RORA: variants seen among roughly 807,000 people sequenced by gnomAD.
RORA encodes the protein RAR related orphan receptor A.
RORA carries 7 observed loss-of-function variants against 69.5 expected under a neutral mutation model. The observed-to-expected ratio is 0.10, with a 90% confidence interval of 0.06 to 0.19. The LOEUF (loss-of-function observed/expected upper bound fraction) is 0.19, where lower values mean the gene tolerates loss of function less well. RORA is among the 10% of genes least tolerant of loss of function. The pLI is 1.00. For missense variants in RORA, 457 were observed against 663.0 expected, an observed-to-expected ratio of 0.69 and a Z score of 3.41; for synonymous variants, 261 against 240.8, an observed-to-expected ratio of 1.08 and a Z score of -0.78.
At chr15:60,820,770 C>T (rs966546964) in intron 1 of RORA, among the ~76,000 whole-genome samples, 8 of 152,286 alleles carry the variant, frequency 5.3e-5, no homozygotes, top group African/African-American at 1.7e-4. Flanking sequence ...TCGGCTTAGT[C>T]TTGGTTTTTC....
chr15:60,646,384 G>C (rs1193092905), intron 2 of RORA, among the ~76,000 whole-genome samples: 1 of 152,098 alleles, frequency 6.6e-6, no homozygotes, highest in African/African-American at 2.4e-5. Flanking sequence ...TATTTCTCCA[G>C]ATATCTCTCT....
intron 1 of RORA, among the ~76,000 whole-genome samples, chr15:61,194,489 G>C (rs891428622): frequency 2.0e-5 from 3 of 151,832 alleles, no homozygotes; most frequent in African/African-American, 7.3e-5. Context: ...CTTGAACCCG[G>C]GAGGTCGAGG....
At chr15:60,766,258 T>C (rs2071989059) in intron 1 of RORA, among the ~76,000 whole-genome samples, 1 of 152,158 alleles carries the variant, frequency 6.6e-6, no homozygotes, top group African/African-American at 2.4e-5. Context: ...TATCATTCAC[T>C]TGAGATCGTC....
At chr15:60,716,761 C>A (rs2071224897) in intron 1 of RORA, among the ~76,000 whole-genome samples, 1 of 152,138 alleles carries the variant, frequency 6.6e-6, no homozygotes, top group South Asian at 2.1e-4. Flanking sequence ...ATGCTGATAT[C>A]ATGACGCTTC....
chr15:60,561,164 C>G (rs1171421429), intron 2 of RORA, among the ~76,000 whole-genome samples: 1 of 147,812 alleles, frequency 6.8e-6, no homozygotes, highest in Non-Finnish European at 1.5e-5. Context: ...TCACTGCAAG[C>G]GCCGCCTCCC....
At chr15:60,605,386 A>G (rs571826469) in intron 2 of RORA, among the ~76,000 whole-genome samples, 1 of 152,328 alleles carries the variant, frequency 6.6e-6, no homozygotes, top group Admixed American at 6.5e-5. Context: ...TTTCTTACCA[A>G]AACCTATTGT....
chr15:61,013,518 C>T (rs1377520236), intron 1 of RORA, among the ~76,000 whole-genome samples: 1 of 152,180 alleles, frequency 6.6e-6, no homozygotes, highest in South Asian at 2.1e-4. Flanking sequence ...TTTTAGATGT[C>T]TACAGGATTA....
At chr15:60,796,693 A>G (rs1247483364) in intron 1 of RORA, among the ~76,000 whole-genome samples, 1 of 152,160 alleles carries the variant, frequency 6.6e-6, no homozygotes, top group Non-Finnish European at 1.5e-5. Context: ...TATATACCCA[A>G]AAGAACTCAA....
At chr15:60,861,041 T>C (rs1369667388) in intron 1 of RORA, among the ~76,000 whole-genome samples, 1 of 152,174 alleles carries the variant, frequency 6.6e-6, no homozygotes, top group Non-Finnish European at 1.5e-5. Flanking sequence ...CTTAGGGGTA[T>C]CCTTGACCAT....
At chr15:61,099,963 C>A (rs1048001510) in intron 1 of RORA, among the ~76,000 whole-genome samples, 4 of 152,058 alleles carry the variant, frequency 2.6e-5, no homozygotes, top group African/African-American at 9.7e-5. Flanking sequence ...TACCTTTTGT[C>A]AAACTTAATT....
intron 1 of RORA, among the ~76,000 whole-genome samples, chr15:61,034,034 T>C (rs1261281662): frequency 6.6e-6 from 1 of 152,210 alleles, no homozygotes. Flanking sequence ...CATTTTAAGG[T>C]AGTTACTAGG....
chr15:60,997,949 G>A (rs1482656559), intron 1 of RORA, among the ~76,000 whole-genome samples: 1 of 152,168 alleles, frequency 6.6e-6, no homozygotes, highest in Admixed American at 6.5e-5. Flanking sequence ...TCAACACATT[G>A]TTTATGGAGA....
chr15:60,727,954 G>A lies in RORA; in HGVS notation c.167-49268C>T, dbSNP rs115421972. On this transcript the variant is annotated intron_variant, in intron 1 of 10. Coordinates refer to ENST00000335670, the MANE Select transcript of RORA (RefSeq NM_134261.3). ...TCCTCCTGGCAAATACACAGTGGAC[G>A]TATCTGAAAGGTCTACCTGCTCACA... Among the ~76,000 whole-genome samples the A allele has an allele frequency of 9.1e-3, 1,392 of 152,268 alleles. 25 individuals carry two copies. Among genetic ancestry groups the A allele is most frequent in the African/African-American group, 0.032 (1,334 of 41,542 alleles).
At chr15:61,023,187 C>CA (rs35185635) in intron 1 of RORA, among the ~76,000 whole-genome samples, 35,446 of 75,006 alleles carry the variant, frequency 0.47, 10,265 homozygotes, top group Non-Finnish European at 0.6. Context: ...GACTCTGCCT[C>CA]AAAAAAAAAA....
intron 1 of RORA, among the ~76,000 whole-genome samples, chr15:60,908,547 T>A (rs911472217): frequency 6.6e-6 from 1 of 152,176 alleles, no homozygotes; most frequent in Non-Finnish European, 1.5e-5. Flanking sequence ...TTTGGGAAGC[T>A]ACAGTAAATG....
At chr15:60,704,477 C>CAGGG (rs2071032421) in intron 1 of RORA, among the ~76,000 whole-genome samples, 1 of 152,188 alleles carries the variant, frequency 6.6e-6, no homozygotes, top group Non-Finnish European at 1.5e-5. Flanking sequence ...AAACAATGGC[C>CAGGG]AGGGCTCTGT....
intron 1 of RORA, among the ~76,000 whole-genome samples, chr15:61,033,901 C>A (rs1896316027): frequency 6.6e-6 from 1 of 150,810 alleles, no homozygotes; most frequent in African/African-American, 2.4e-5. Flanking sequence ...GACCATGTCT[C>A]AAAAAAAAAA....
intron 1 of RORA, among the ~76,000 whole-genome samples, chr15:60,931,478 T>C (rs1253366284): frequency 2.0e-5 from 3 of 152,236 alleles, no homozygotes; most frequent in Non-Finnish European, 4.4e-5. Flanking sequence ...CCTGCCAATC[T>C]CCCAGACTCC....
intron 1 of RORA, among the ~76,000 whole-genome samples, chr15:60,705,417 G>A (rs1024880505): frequency 7.2e-5 from 11 of 152,178 alleles, no homozygotes; most frequent in Admixed American, 5.2e-4. Context: ...ACAAGTATGT[G>A]CATAATGATG....
Sources: gnomAD v4.1 joint callset for allele counts (sites outside exome capture counted in the v4.1 genomes callset) on GRCh38, gnomAD v4.1.1 for gene constraint, MANE v1.5 for transcripts, NCBI Gene and HGNC (gene_info 2026-07-23, HGNC 2026-07-21) for gene names.